Variants in ERC2 observed in about 807,000 individuals in gnomAD.
ERC2 encodes ELKS/RAB6-interacting/CAST family member 2.
A neutral mutation model predicts 114.8 loss-of-function variants in ERC2; 42 were observed. The ratio of observed to expected loss-of-function variants is 0.37; its 90% CI spans 0.29 to 0.47. ERC2 has a LOEUF of 0.47. Ranked by LOEUF, ERC2 falls within the 20% of genes least tolerant of loss-of-function variation. ERC2 has a pLI of 0.99. For synonymous variants in ERC2, 454 were observed against 425.5 expected, an observed-to-expected ratio of 1.07 and a Z score of -0.82; for missense variants, 939 against 1,150.7, an observed-to-expected ratio of 0.82 and a Z score of 2.66.
At chr3:55,887,780 G>A (rs1333323453) in intron 14 of ERC2, among the ~76,000 whole-genome samples, 1 of 152,198 alleles carries the variant, frequency 6.6e-6, no homozygotes, top group African/African-American at 2.4e-5. Flanking sequence ...TAAATCAAAG[G>A]AAGCAATTGG....
chr3:56,032,634 C>T (rs1448115693), intron 7 of ERC2, among the ~76,000 whole-genome samples: 1 of 151,876 alleles, frequency 6.6e-6, no homozygotes, highest in East Asian at 1.9e-4. Flanking sequence ...TTAAAAGCAT[C>T]AAGAGAAAAG....
At chr3:55,922,674 G>T (rs1180983294) in intron 13 of ERC2, among the ~76,000 whole-genome samples, 1 of 152,040 alleles carries the variant, frequency 6.6e-6, no homozygotes, top group African/African-American at 2.4e-5. Context: ...GACCTTCCAG[G>T]TCCCCCACAG....
chr3:56,300,584 A>C (rs1214115283), intron 2 of ERC2, among the ~76,000 whole-genome samples: 2 of 152,244 alleles, frequency 1.3e-5, no homozygotes, highest in South Asian at 4.1e-4. Context: ...CAGATCTATT[A>C]AGAAACAGTG....
In ERC2 at chr3:56,038,761, G is replaced by A. The variant is rs540690623; in HGVS notation, c.1642-19730C>T. Among the ~76,000 whole-genome samples the A allele has an allele frequency of 3.3e-4, 51 of 152,280 alleles. 1 individual carries two copies. The South Asian group carries it at 3.9e-3, about 12-fold the overall frequency. On this transcript the variant is annotated intron_variant, in intron 7 of 17. Transcript: ENST00000288221. ...TGGAATATTATGCAGCCATAAAAAG[G>A]AATAAGATCATGTCCTTTGCAGGGA...
intron 14 of ERC2, among the ~76,000 whole-genome samples, chr3:55,750,696 T>C (rs894451610): frequency 2.0e-5 from 3 of 152,240 alleles, no homozygotes; most frequent in Admixed American, 6.5e-5. Flanking sequence ...TACTTATGCC[T>C]GTTCCTAGTT....
chr3:55,769,335 T>G (rs990186209), intron 14 of ERC2, among the ~76,000 whole-genome samples: 11 of 152,064 alleles, frequency 7.2e-5, no homozygotes, highest in African/African-American at 2.7e-4. Flanking sequence ...GATTAAGAGC[T>G]CTGGGGCACA....
At chr3:56,135,519 A>G (rs1386366973) in intron 6 of ERC2, among the ~76,000 whole-genome samples, 1 of 152,212 alleles carries the variant, frequency 6.6e-6, no homozygotes, top group Non-Finnish European at 1.5e-5. Flanking sequence ...TGATAATAAT[A>G]ACAGCAATGG....
intron 14 of ERC2, among the ~76,000 whole-genome samples, chr3:55,776,028 A>G (rs2068581913): frequency 6.6e-6 from 1 of 152,254 alleles, no homozygotes; most frequent in Non-Finnish European, 1.5e-5. Context: ...GAGCTGAGAC[A>G]GAACCTATCC....
At chr3:55,610,064 C>CAA (rs36088271) in intron 17 of ERC2, among the ~76,000 whole-genome samples, 1,870 of 118,568 alleles carry the variant, frequency 0.016, 31 homozygotes, top group East Asian at 0.034. Context: ...CAAACACAAA[C>CAA]AAAAAAAAAA....
At chr3:56,316,764 T>C (rs560941914) in intron 2 of ERC2, among the ~76,000 whole-genome samples, 2 of 152,352 alleles carry the variant, frequency 1.3e-5, no homozygotes, top group South Asian at 4.2e-4. Context: ...GTTACTTATC[T>C]CCTTAGATAG....
chr3:55,960,097 T>C (rs1486840477), intron 12 of ERC2, among the ~76,000 whole-genome samples: 1 of 152,200 alleles, frequency 6.6e-6, no homozygotes, highest in Non-Finnish European at 1.5e-5. Flanking sequence ...TCTTCTTGCC[T>C]CCCTGGTCTC....
chr3:55,672,265 C>G (rs1234962296), intron 17 of ERC2, among the ~76,000 whole-genome samples: 1 of 149,666 alleles, frequency 6.7e-6, no homozygotes, highest in Non-Finnish European at 1.5e-5. Flanking sequence ...CTTGAACCCA[C>G]AAGTCTGAGA....
chr3:55,932,249 C>A (rs111837039), intron 13 of ERC2, among the ~76,000 whole-genome samples: 30 of 152,184 alleles, frequency 2.0e-4, no homozygotes, highest in African/African-American at 7.2e-4. Flanking sequence ...AATATAATGC[C>A]TCTTTCCTTT....
chr3:56,413,405 G>T (rs1405015770), intron 2 of ERC2, among the ~76,000 whole-genome samples: 3 of 152,224 alleles, frequency 2.0e-5, no homozygotes, highest in African/African-American at 7.2e-5. Context: ...CATGGTGGCT[G>T]CTTGGGGTCA....
chr3:56,323,133 A>G (rs2057202667), intron 2 of ERC2, among the ~76,000 whole-genome samples: 1 of 152,174 alleles, frequency 6.6e-6, no homozygotes, highest in Non-Finnish European at 1.5e-5. Context: ...ATTTCCAGCC[A>G]CCAGAATCAT....
intron 1 of ERC2, among the ~76,000 whole-genome samples, chr3:56,437,649 A>G (rs1187590717): frequency 6.6e-6 from 1 of 152,218 alleles, no homozygotes; most frequent in African/African-American, 2.4e-5. Flanking sequence ...TATGTTGCTC[A>G]GGGCTTAATT....
chr3:55,721,255 A>T (rs2148886859), intron 15 of ERC2, among the ~76,000 whole-genome samples: 1 of 152,328 alleles, frequency 6.6e-6, no homozygotes, highest in South Asian at 2.1e-4. Flanking sequence ...TAATGATGGT[A>T]CTGCCTCTTC....
At chr3:56,188,718 T>C (rs532879461) in intron 3 of ERC2, among the ~76,000 whole-genome samples, 1 of 152,342 alleles carries the variant, frequency 6.6e-6, no homozygotes, top group African/African-American at 2.4e-5. Flanking sequence ...GGGAACAAGC[T>C]GGTCCAGCTT....
chr3:55,516,977 T>C (rs2052555993), intron 17 of ERC2, among the ~76,000 whole-genome samples: 1 of 152,168 alleles, frequency 6.6e-6, no homozygotes, highest in Non-Finnish European at 1.5e-5. Context: ...CCCAGCTCCC[T>C]GGGGCCTCAT....
Sources: allele counts gnomAD v4.1 joint callset (sites outside exome capture counted in the v4.1 genomes callset), GRCh38; gene constraint gnomAD v4.1.1; transcripts MANE v1.5; gene names NCBI Gene and HGNC (gene_info 2026-07-23, HGNC 2026-07-21).